NFXL1: variants seen among roughly 807,000 people sequenced by gnomAD.
The protein encoded by NFXL1 is NF-X1-type zinc finger protein NFXL1.
In NFXL1, 66 loss-of-function variants were observed where a neutral mutation model predicts 123.3. That is an observed-to-expected ratio of 0.54 (90% confidence interval 0.44 to 0.66). The LOEUF is 0.66. Among genes scored for constraint, NFXL1 ranks in the 30% least tolerant of loss-of-function variants. The pLI, the probability that NFXL1 is intolerant of heterozygous loss-of-function variation, is 0.00. For synonymous variants in NFXL1, 346 were observed against 360.8 expected (o/e 0.96, Z 0.46); for missense variants, 944 against 1,125.6 (o/e 0.84, Z 2.31).
chr4:47,880,294 TA>T (rs1736013729), intron 15 of NFXL1, among the ~76,000 whole-genome samples: 2 of 151,350 alleles, frequency 1.3e-5, no homozygotes, highest in African/African-American at 4.9e-5. Flanking sequence ...TCCCAGGTAC[TA>T]GGGGGTTGGG....
chr4:47,908,969 A>AG (rs1737699761), intron 3 of NFXL1, among the ~76,000 whole-genome samples: 2 of 151,746 alleles, frequency 1.3e-5, no homozygotes, highest in South Asian at 4.2e-4. Flanking sequence ...AAAAAAAAAA[A>AG]AAAGAAACAA....
chr4:47,900,904 G>A (rs1316577327), intron 5 of NFXL1, among the ~76,000 whole-genome samples: 1 of 152,142 alleles, frequency 6.6e-6, no homozygotes, highest in African/African-American at 2.4e-5. Context: ...TCTGTCTGTG[G>A]AATAAGTAAC....
chr4:47,852,976 T>A (rs1287935130), intron 20 of NFXL1, among the ~76,000 whole-genome samples: 2 of 151,916 alleles, frequency 1.3e-5, no homozygotes, highest in Non-Finnish European at 2.9e-5. Context: ...TTTTTTTTTT[T>A]TTATTCCTTA....
At chr4:47,912,623 T>C (rs1396943806) in intron 2 of NFXL1, among the ~76,000 whole-genome samples, 3 of 146,888 alleles carry the variant, frequency 2.0e-5, no homozygotes, top group African/African-American at 7.5e-5. Flanking sequence ...CCCGCCCGGC[T>C]AATTTTTTGT....
At chr4:47,852,596 T>C (rs1485538400) in intron 20 of NFXL1, among the ~76,000 whole-genome samples, 1 of 152,068 alleles carries the variant, frequency 6.6e-6, no homozygotes, top group East Asian at 1.9e-4. Flanking sequence ...AAGCTTATGT[T>C]GGCACTTCAC....
intron 18 of NFXL1, among the ~76,000 whole-genome samples, chr4:47,873,149 A>G (rs1358316522): frequency 6.6e-6 from 1 of 152,192 alleles, no homozygotes; most frequent in Non-Finnish European, 1.5e-5. Context: ...ATTCAGTCCC[A>G]TCTATAGGCT....
chr4:47,896,438 TAATAGAAAACAACCACAG>T, intron 10 of NFXL1, 67 bp downstream of exon 10: 2 of 1,045,198 alleles, frequency 1.9e-6, no homozygotes, highest in Non-Finnish European at 2.9e-6. Flanking sequence ...TGAAAATAAG[TAATAGAAAACAACCACAG>T]GACAATCTCA....
chr4:47,885,384 A>G (rs1736366107), intron 14 of NFXL1, 114 bp downstream of exon 14: 1 of 859,582 alleles, frequency 1.2e-6, no homozygotes, highest in Non-Finnish European at 1.8e-6. Flanking sequence ...ACCCTGCTCC[A>G]AGCACAGTGC....
intron 8 of NFXL1, among the ~76,000 whole-genome samples, chr4:47,898,544 AAAT>A (rs1737224135): frequency 6.6e-6 from 1 of 152,192 alleles, no homozygotes; most frequent in Non-Finnish European, 1.5e-5. Context: ...AAAACTCAAC[AAAT>A]AGCTGTTACT....
rs1736944773 is a variant in NFXL1 at position 47,894,232 on chromosome 4, T to G, written c.1400A>C (p.Glu467Ala). ...GTCACGCATCTTAACACACTTAGTT[T>G]CACACAGATAAGGTTTATGACAAGG... ...RMPCHKPYLC[E>A]TKCVKMRDCQ... is the part of the protein sequence containing the mutation. Residue 467 changes from glutamate to alanine, a missense_variant, in exon 11 of 23, where the codon GAA becomes GCA. Transcript: ENST00000507489. 1.2e-6 allele frequency: 2 copies of G among 1,607,962 alleles called. No individual in the cohort carries two copies. Among genetic ancestry groups the G allele is most frequent in the Non-Finnish European group, 1.7e-6 (2 of 1,176,624 alleles).
chr4:47,914,511 C>T lies in NFXL1; in HGVS notation c.-149G>A, dbSNP rs765295455. The T allele has an allele frequency of 7.1e-5, 23 of 324,348 alleles. No individual in the cohort carries two copies. The highest frequency in any genetic ancestry group is 1.1e-4 in the Non-Finnish European group (19 of 175,810). The allele number at this position is 324,348 out of a possible 1,614,324, so 20.1% of individuals were successfully genotyped here. ...GAGAAGTCGAAACCGCCTCCTCAGC[C>T]TCTGCGGGAGCGTGGTAGGGGAAGA... On this transcript the variant is annotated 5_prime_UTR_variant, in exon 1 of 23. Coordinates refer to ENST00000507489, the MANE Select transcript of NFXL1 (RefSeq NM_001278624.2).
chr4:47,850,152 T>A (rs942902891), intron 22 of NFXL1, among the ~76,000 whole-genome samples: 1 of 152,108 alleles, frequency 6.6e-6, no homozygotes, highest in African/African-American at 2.4e-5. Context: ...TACTAAACTA[T>A]TCTTAATAAC....
chr4:47,875,575 TA>T, intron 17 of NFXL1, among the ~76,000 whole-genome samples: 1 of 152,280 alleles, frequency 6.6e-6, no homozygotes, highest in African/African-American at 2.4e-5. Context: ...ATGGACTATA[TA>T]AAGTATCCCA....
chr4:47,898,798 C>T lies in NFXL1; in HGVS notation c.1048G>A (p.Ala350Thr), dbSNP rs373216812. The T allele has an allele frequency of 2.0e-5, 32 of 1,613,800 alleles. 1 individual carries two copies. The highest frequency in any genetic ancestry group is 2.6e-5 in the Non-Finnish European group (31 of 1,179,860). The change falls in exon 8 of 23, where the codon GCT (alanine) becomes ACT (threonine). Residue 350 changes from alanine (A) to threonine (T), a missense_variant. By Grantham distance (58) the Ala-to-Thr change is moderately conservative. Transcript: ENST00000507489. ...RQKCVCGKKVAERSCASPLWH... is the reference protein window; with the variant it reads ...RQKCVCGKKVTERSCASPLWH... ...AGTGGACTTGCACAACTTCTTTCAG[C>T]TACTTTTTTGCCACAGACACACTTT...
Position 47,878,458 on chromosome 4 carries a change from G to C in NFXL1, c.2079+67C>G, listed in dbSNP as rs779089774. On this transcript the variant is annotated intron_variant, in intron 17 of 22. Transcript: ENST00000507489. ...AAAGCAAAACAGAAAAATATTTATG[G>C]TATAACTGTTGAAAAAACGTTTCAA... 2.5e-6 allele frequency: 3 copies of C among 1,199,068 alleles called. No homozygotes were observed. In the South Asian group the frequency reaches 5.4e-5, roughly 22 times the overall value. 74.3% of individuals were successfully genotyped at this position (1,199,068 alleles called of 1,614,324 possible).
At chr4:47,894,465 T>C (rs1172231030) in intron 10 of NFXL1, among the ~76,000 whole-genome samples, 163 bp from the exon 11 acceptor site, 2 of 152,156 alleles carry the variant, frequency 1.3e-5, no homozygotes, top group Non-Finnish European at 2.9e-5. Flanking sequence ...AAACATTTGC[T>C]TATATCTTAC....
intron 5 of NFXL1, 86 bp downstream of exon 5, chr4:47,903,107 A>G (rs1737417702): frequency 1.1e-5 from 9 of 855,002 alleles, no homozygotes; most frequent in Non-Finnish European, 1.2e-5. Context: ...GTGAGCCAAG[A>G]TCGCCACTGC....
chr4:47,909,605 T>A (rs1168707862), intron 3 of NFXL1, among the ~76,000 whole-genome samples: 1 of 151,818 alleles, frequency 6.6e-6, no homozygotes, highest in African/African-American at 2.4e-5. Flanking sequence ...ATATGACATA[T>A]CTACAAATAT....
At chr4:47,878,701 A>T in intron 16 of NFXL1, 36 bp from the exon 17 acceptor site, 1 of 1,428,662 alleles carries the variant, frequency 7.0e-7, no homozygotes, top group Non-Finnish European at 9.2e-7. Flanking sequence ...AGCACACATT[A>T]CTCAAACGTT....
Sources: allele counts gnomAD v4.1 joint callset (sites outside exome capture counted in the v4.1 genomes callset), GRCh38; gene constraint gnomAD v4.1.1; transcripts MANE v1.5; gene names NCBI Gene and HGNC (gene_info 2026-07-23, HGNC 2026-07-21).